Variants in DIAPH2 observed in about 807,000 individuals in gnomAD.
DIAPH2 encodes protein diaphanous homolog 2.
Under a neutral mutation model 92.7 loss-of-function variants are expected in DIAPH2, and 35 were observed. That is an observed-to-expected ratio of 0.38 (90% CI 0.29 to 0.50). The LOEUF (loss-of-function observed/expected upper bound fraction) is 0.50. Among genes scored for constraint, DIAPH2 ranks in the 20% least tolerant of loss-of-function variants. The pLI is 0.94. For synonymous variants in DIAPH2, 301 were observed against 280.4 expected (o/e 1.07, Z -0.73); for missense variants, 701 against 819.5 (o/e 0.86, Z 1.77).
intron 22 of DIAPH2, among the ~76,000 whole-genome samples, chrX:97,179,670 T>C (rs1256323834): frequency 8.9e-6 from 1 of 112,161 alleles, no homozygotes; most frequent in Non-Finnish European, 1.9e-5. Flanking sequence ...GCAGTAAACA[T>C]ATGTGTGCAT....
intron 22 of DIAPH2, among the ~76,000 whole-genome samples, chrX:97,155,507 GAA>G (rs61630390): frequency 0.02 from 1,864 of 95,322 alleles, 16 homozygotes; most frequent in African/African-American, 0.033. Flanking sequence ...TCTCAAAAAA[GAA>G]AAAAAAAAAA....
chrX:97,144,858 G>A (rs751783907), intron 22 of DIAPH2, among the ~76,000 whole-genome samples: 80 of 111,468 alleles, frequency 7.2e-4, no homozygotes, highest in East Asian at 1.4e-3. Context: ...TCTGCCTCCC[G>A]CGCTCAAGCA....
chrX:97,196,790 T>G (rs202174455), intron 22 of DIAPH2, among the ~76,000 whole-genome samples: 1 of 102,221 alleles, frequency 9.8e-6, no homozygotes, highest in African/African-American at 3.6e-5. Context: ...TTTTTTTCGG[T>G]TTTTTTTTTT....
intron 24 of DIAPH2, among the ~76,000 whole-genome samples, chrX:97,376,301 C>CCTCTATCTTTTTTTA (rs2069499860): frequency 9.0e-6 from 1 of 111,337 alleles, no homozygotes; most frequent in Non-Finnish European, 1.9e-5. Flanking sequence ...AGAATTTTCC[C>CCTCTATCTTTTTTTA]CCAAAACCTC....
rs2071606912 is a variant in DIAPH2, at chrX:97,603,646, A to G, written c.*4329A>G. The stretch of plus-strand genomic sequence containing the variant: ...TATATCTCTAACACTAGACTTGAAA[A>G]TTTCCTCAGCTAAACATCCAAGTTC... On this transcript the variant is annotated 3_prime_UTR_variant, in exon 27 of 27. Coordinates refer to ENST00000324765, the MANE Select transcript of DIAPH2 (RefSeq NM_006729.5). The G allele has an allele frequency of 8.9e-6, 1 of 112,163 alleles. No individual in the cohort carries two copies. The highest frequency in any genetic ancestry group is 3.7e-4 in the South Asian group (1 of 2,691). The allele number at this position is 112,163 out of a possible 1,213,427, so 9.2% of individuals were successfully genotyped here.
At chrX:97,349,058 A>ATG (rs1013305389) in intron 24 of DIAPH2, among the ~76,000 whole-genome samples, 10 of 99,034 alleles carry the variant, frequency 1.0e-4, no homozygotes, top group Admixed American at 9.0e-4. Flanking sequence ...GTATTTATAT[A>ATG]TGTGTGTGTA....
chrX:96,907,466 C>T lies in DIAPH2; in HGVS notation c.588-4862C>T, dbSNP rs979123941. ...CTAGATGTTATAGAAAATTGTGTAC[C>T]GGTCCTCTTTTAGTAATTTCTAAGG... On this transcript the variant is annotated intron_variant, in intron 5 of 26. Coordinates refer to ENST00000324765, the MANE Select transcript of DIAPH2 (RefSeq NM_006729.5). 8.9e-5 allele frequency among the ~76,000 whole-genome samples: 10 copies of T among 111,982 alleles called. 1 individual carries two copies. Among genetic ancestry groups the T allele is most frequent in the South Asian group, 3.7e-4 (1 of 2,674 alleles).
chrX:96,849,095 C>A (rs180920687), intron 4 of DIAPH2, among the ~76,000 whole-genome samples: 1 of 111,845 alleles, frequency 8.9e-6, no homozygotes, highest in South Asian at 3.7e-4. Flanking sequence ...ATGTAATGTA[C>A]TTCTCAGCCC....
intron 23 of DIAPH2, among the ~76,000 whole-genome samples, chrX:97,309,094 A>G (rs1341260846): frequency 9.2e-6 from 1 of 108,975 alleles, no homozygotes; most frequent in East Asian, 2.9e-4. Context: ...TGGCTTGCTC[A>G]ATTTTATTTA....
chrX:97,530,352 C>T (rs573554158), intron 26 of DIAPH2, among the ~76,000 whole-genome samples: 1 of 111,841 alleles, frequency 8.9e-6, no homozygotes, highest in South Asian at 3.8e-4. Flanking sequence ...CAGGGCCCTC[C>T]ACAGAGGAGC....
chrX:97,358,179 A>C (rs1296760574), intron 24 of DIAPH2, among the ~76,000 whole-genome samples: 1 of 112,158 alleles, frequency 8.9e-6, no homozygotes, highest in African/African-American at 3.2e-5. Flanking sequence ...GTCCTGAGCA[A>C]TAGGACAATT....
At chrX:97,151,943 A>G (rs1189110576) in intron 22 of DIAPH2, among the ~76,000 whole-genome samples, 2 of 111,617 alleles carry the variant, frequency 1.8e-5, no homozygotes, top group Non-Finnish European at 3.8e-5. Context: ...AAGAAGGAAG[A>G]AAGACAAATG....
At chrX:96,816,245 T>C (rs1449658751) in intron 4 of DIAPH2, among the ~76,000 whole-genome samples, 1 of 112,122 alleles carries the variant, frequency 8.9e-6, no homozygotes, top group African/African-American at 3.2e-5. Context: ...GACATTTAGC[T>C]TGTTTTCTCC....
At chrX:97,135,439 C>G (rs926477139) in intron 21 of DIAPH2, among the ~76,000 whole-genome samples, 1 of 111,073 alleles carries the variant, frequency 9.0e-6, no homozygotes, top group Non-Finnish European at 1.9e-5. Context: ...AACTCCTGAC[C>G]TCAGGTGATC....
chrX:96,788,037 A>G (rs2064471907), intron 4 of DIAPH2, among the ~76,000 whole-genome samples: 1 of 110,045 alleles, frequency 9.1e-6, no homozygotes, highest in Non-Finnish European at 1.9e-5. Context: ...AGGATATTTT[A>G]CACTAGTTTT....
chrX:97,367,958 G>C (rs971269171), intron 24 of DIAPH2, among the ~76,000 whole-genome samples: 2 of 111,711 alleles, frequency 1.8e-5, no homozygotes, highest in Admixed American at 9.5e-5. Flanking sequence ...CGAGTGCCTC[G>C]CTTCGGCCTC....
intron 17 of DIAPH2, among the ~76,000 whole-genome samples, chrX:97,047,464 AATATAT>A (rs200489708): frequency 1.9e-5 from 2 of 104,489 alleles, no homozygotes; most frequent in Admixed American, 1.0e-4. Context: ...TTTTAAAATA[AATATAT>A]ATATATATAA....
chrX:97,300,693 G>A (rs1345540733), intron 23 of DIAPH2, among the ~76,000 whole-genome samples: 2 of 99,289 alleles, frequency 2.0e-5, no homozygotes, highest in African/African-American at 7.1e-5. Context: ...AGCACTTTGG[G>A]AGGCCGAGGC....
intron 17 of DIAPH2, among the ~76,000 whole-genome samples, chrX:96,993,725 G>A (rs1020742365): frequency 8.9e-5 from 10 of 111,904 alleles, no homozygotes; most frequent in African/African-American, 3.2e-4. Flanking sequence ...TAAAGTAATT[G>A]CTATACTACA....
Sources: allele counts gnomAD v4.1 joint callset (sites outside exome capture counted in the v4.1 genomes callset), GRCh38; gene constraint gnomAD v4.1.1; transcripts MANE v1.5; gene names NCBI Gene and HGNC (gene_info 2026-07-23, HGNC 2026-07-21).